Variants in CCDC171 observed in about 807,000 individuals in gnomAD.
CCDC171 encodes coiled-coil domain containing 171.
In CCDC171, 177 loss-of-function variants were observed where a neutral mutation model predicts 168.2. The ratio of observed to expected loss-of-function variants is 1.05; its 90% confidence interval spans 0.93 to 1.19. The LOEUF (loss-of-function observed/expected upper bound fraction) is 1.19. Ranked by LOEUF, CCDC171 falls within the 50% of genes most tolerant of loss-of-function variation. The pLI is 0.00. For synonymous variants in CCDC171, 687 were observed against 540.8 expected (o/e 1.27, Z -3.75); for missense variants, 1,991 against 1,539.0 (o/e 1.29, Z -4.91).
chr9:15,679,461 A>G (rs552356225), intron 10 of CCDC171, among the ~76,000 whole-genome samples: 2 of 152,226 alleles, frequency 1.3e-5, no homozygotes, highest in South Asian at 4.1e-4. Flanking sequence ...TTTTGTCTTC[A>G]TATTAACTTT....
At chr9:16,095,250 C>A in the CCDC171 span, among the ~76,000 whole-genome samples, 1 of 152,206 alleles carries the variant, frequency 6.6e-6, no homozygotes, top group Non-Finnish European at 1.5e-5. Context: ...TGACTCTGAG[C>A]AAGGCAAGGA....
chr9:15,995,190 T>C (rs1248915286), intron 3 of CCDC171, among the ~76,000 whole-genome samples: 1 of 152,178 alleles, frequency 6.6e-6, no homozygotes, highest in Non-Finnish European at 1.5e-5. Flanking sequence ...AGGCACATGG[T>C]TGAATTAATG....
intron 21 of CCDC171, among the ~76,000 whole-genome samples, chr9:15,793,910 A>C (rs534135192): frequency 6.6e-6 from 1 of 152,136 alleles, no homozygotes; most frequent in Admixed American, 6.5e-5. Context: ...TCTCTGGGGC[A>C]TAGACAGTAA....
intron 11 of CCDC171, among the ~76,000 whole-genome samples, chr9:15,697,783 G>A (rs950544810): frequency 6.6e-6 from 1 of 152,164 alleles, no homozygotes; most frequent in African/African-American, 2.4e-5. Context: ...CCTTGATGTT[G>A]ATGGCTGCTG....
Position 16,012,981 on chromosome 9 carries a change from C to T in CCDC171, n.369-7608C>T, listed in dbSNP as rs377723165. Among the ~76,000 whole-genome samples the T allele has an allele frequency of 5.1e-4, 78 of 152,264 alleles. 2 individuals are homozygous for T. In the South Asian group the frequency reaches 0.016, roughly 32 times the overall value. ...ACCACAGTTTTCCTGCATGGTACTT[C>T]GACTTCTCAAGCTGAAGTCTGACAC... On this transcript the variant is annotated intron_variant and non_coding_transcript_variant, in intron 3 of 9. Transcript: ENST00000486641.
At chr9:15,901,311 C>T (rs369256237) in intron 24 of CCDC171, among the ~76,000 whole-genome samples, 2 of 152,098 alleles carry the variant, frequency 1.3e-5, no homozygotes, top group South Asian at 2.1e-4. Flanking sequence ...GAATGTCCAA[C>T]ACCAATAGCC....
chr9:15,898,304 G>T (rs942447585), intron 24 of CCDC171, among the ~76,000 whole-genome samples: 12 of 152,180 alleles, frequency 7.9e-5, no homozygotes, highest in African/African-American at 2.6e-4. Context: ...GGCTTACATG[G>T]GTTTGCCTTT....
At chr9:15,807,012 C>T (rs2059113399) in intron 21 of CCDC171, among the ~76,000 whole-genome samples, 1 of 152,114 alleles carries the variant, frequency 6.6e-6, no homozygotes, top group Non-Finnish European at 1.5e-5. Context: ...GTTTACTCTG[C>T]TGTTAATATT....
intron 11 of CCDC171, among the ~76,000 whole-genome samples, chr9:15,700,177 C>T (rs1258093081): frequency 6.6e-6 from 1 of 152,228 alleles, no homozygotes; most frequent in Non-Finnish European, 1.5e-5. Flanking sequence ...AGGTGCTGAG[C>T]CCTGCCCCAC....
intron 21 of CCDC171, among the ~76,000 whole-genome samples, chr9:15,844,924 A>T (rs1470277818): frequency 6.6e-6 from 1 of 152,070 alleles, no homozygotes; most frequent in African/African-American, 2.4e-5. Context: ...TGAATGCTGG[A>T]TAGTCCCCTC....
At chr9:15,846,590 C>G in intron 21 of CCDC171, 112 bp from the exon 22 acceptor site, 1 of 1,097,484 alleles carries the variant, frequency 9.1e-7, no homozygotes, top group Non-Finnish European at 1.3e-6. Flanking sequence ...TGTGTAATGA[C>G]CCAAGTCTAC....
intron 25 of CCDC171, among the ~76,000 whole-genome samples, chr9:15,956,460 C>A (rs1172270526): frequency 6.6e-6 from 1 of 152,090 alleles, no homozygotes; most frequent in African/African-American, 2.4e-5. Context: ...TTGTGTGTGG[C>A]CTCTTTATCA....
intron 4 of CCDC171, among the ~76,000 whole-genome samples, chr9:15,588,197 T>C (rs1255746622): frequency 6.6e-6 from 1 of 152,132 alleles, no homozygotes; most frequent in African/African-American, 2.4e-5. Flanking sequence ...ATTGCGCCAC[T>C]GTACTCCAGC....
intron 1 of CCDC171, among the ~76,000 whole-genome samples, chr9:15,557,426 G>A (rs1052282439): frequency 1.3e-5 from 2 of 152,044 alleles, no homozygotes; most frequent in Non-Finnish European, 2.9e-5. Flanking sequence ...TTGAGCAGTG[G>A]TTTGTAGTTC....
chr9:15,690,476 A>G (rs1397228388), intron 10 of CCDC171, among the ~76,000 whole-genome samples: 2 of 152,156 alleles, frequency 1.3e-5, no homozygotes, highest in African/African-American at 4.8e-5. Context: ...ACAACTTGTT[A>G]TGTTATAATG....
rs530030890 is a variant in CCDC171 at position 15,899,760 on chromosome 9, A to T, written c.3601-20510A>T. 8.2e-4 allele frequency among the ~76,000 whole-genome samples: 125 copies of T among 152,128 alleles called. 1 individual carries two copies. Among genetic ancestry groups the T allele is most frequent in the African/African-American group, 2.8e-3 (116 of 41,498 alleles). On this transcript the variant is annotated intron_variant, in intron 24 of 25. Coordinates refer to ENST00000380701, the MANE Select transcript of CCDC171 (RefSeq NM_173550.4). ...TGAGAGTTGTTTATATATTCTAGAAACTATCAGATGTGTGGTTTGCAAATA... is the reference window on the plus strand; with the variant it reads ...TGAGAGTTGTTTATATATTCTAGAATCTATCAGATGTGTGGTTTGCAAATA...
At chr9:15,573,501 T>C (rs7860728) in intron 3 of CCDC171, among the ~76,000 whole-genome samples, 2 of 152,142 alleles carry the variant, frequency 1.3e-5, no homozygotes, top group East Asian at 2.0e-4. Flanking sequence ...AGGCTGGTCT[T>C]GAACTCCTCA....
chr9:16,100,244 AATG>A, the CCDC171 span, among the ~76,000 whole-genome samples: 1 of 152,156 alleles, frequency 6.6e-6, no homozygotes, highest in South Asian at 2.1e-4. Flanking sequence ...GAAGCAGCAA[AATG>A]ATGATATTAA....
At chr9:15,601,134 C>G (rs1291779734) in intron 6 of CCDC171, among the ~76,000 whole-genome samples, 1 of 152,112 alleles carries the variant, frequency 6.6e-6, no homozygotes. Flanking sequence ...TGCACTGCAC[C>G]CACTGTCCTG....
Sources: allele counts gnomAD v4.1 joint callset (sites outside exome capture counted in the v4.1 genomes callset), GRCh38; gene constraint gnomAD v4.1.1; transcripts MANE v1.5; gene names NCBI Gene and HGNC (gene_info 2026-07-23, HGNC 2026-07-21).